TIMM23: variants seen among roughly 807,000 people sequenced by gnomAD.
TIMM23 encodes the protein mitochondrial import inner membrane translocase subunit Tim23.
Under a neutral mutation model 30.7 loss-of-function variants are expected in TIMM23, and 19 were observed. That is an observed-to-expected ratio of 0.62 (90% CI 0.43 to 0.91). The LOEUF (loss-of-function observed/expected upper bound fraction) is 0.91, where lower values mean the gene tolerates loss of function less well. Ranked by LOEUF, TIMM23 falls within the 40% of genes least tolerant of loss-of-function variation. TIMM23 has a pLI of 0.00. For synonymous variants in TIMM23, 78 were observed against 98.5 expected (o/e 0.79, Z 1.23); for missense variants, 202 against 269.2 (o/e 0.75, Z 1.75).
At chr10:45,977,442 G>A (rs1229751861) in intron 2 of TIMM23, among the ~76,000 whole-genome samples, 1 of 152,172 alleles carries the variant, frequency 6.6e-6, no homozygotes, top group Non-Finnish European at 1.5e-5. Flanking sequence ...TTTTCAGCAA[G>A]GATGCCAAGA....
chr10:45,991,914 C>A (rs1296845392), intron 6 of TIMM23, among the ~76,000 whole-genome samples: 1 of 151,712 alleles, frequency 6.6e-6, no homozygotes, highest in Admixed American at 6.6e-5. Context: ...CCACTGCCCC[C>A]ATCTGTCCCT....
chr10:45,988,471 G>C, intron 5 of TIMM23, among the ~76,000 whole-genome samples: 1 of 152,186 alleles, frequency 6.6e-6, no homozygotes, highest in Non-Finnish European at 1.5e-5. Flanking sequence ...GAAGGTCAGA[G>C]AGAGAGATTC....
intron 6 of TIMM23, among the ~76,000 whole-genome samples, chr10:45,991,610 G>T: frequency 6.6e-6 from 1 of 152,212 alleles, no homozygotes; most frequent in East Asian, 1.9e-4. Context: ...AATTAGCCAG[G>T]TGTGGTGGCG....
intron 6 of TIMM23, among the ~76,000 whole-genome samples, chr10:45,989,918 A>G (rs1296893356): frequency 5.9e-5 from 9 of 152,130 alleles, no homozygotes; most frequent in Non-Finnish European, 1.0e-4. Context: ...TTTTATTTTT[A>G]TCAAAATAAT....
chr10:45,997,233 A>T (rs1291553994), intron 6 of TIMM23, among the ~76,000 whole-genome samples: 8 of 152,136 alleles, frequency 5.3e-5, no homozygotes, highest in African/African-American at 1.9e-4. Flanking sequence ...AATGTGGTAT[A>T]TACATAGAAT....
chr10:45,972,827 T>C lies in TIMM23; in HGVS notation c.106+97T>C, dbSNP rs1465779130. On this transcript the variant is annotated intron_variant, in intron 1 of 6. Transcript: ENST00000580018. ...TTTTATGTTGTTGTTTTTTTTTTCC[T>C]TGCTGGCATTTACAAGCTTAAGTAC... 4.0e-6 allele frequency: 6 copies of C among 1,511,572 alleles called. No individual in the cohort carries two copies. In the African/African-American group the frequency reaches 6.9e-5, roughly 17 times the overall value. The allele number at this position is 1,511,572 out of a possible 1,614,324, so 93.6% of individuals were successfully genotyped here. A position where few individuals can be genotyped will look rare whatever the true frequency, so the allele number is the denominator to read the frequency against.
intron 5 of TIMM23, 31 bp downstream of exon 5, chr10:45,985,472 G>A: frequency 1.9e-6 from 3 of 1,611,862 alleles, no homozygotes; most frequent in Non-Finnish European, 1.7e-6. Flanking sequence ...ATAATAAATT[G>A]TTAAAGAAAG....
rs782712100 is a variant in TIMM23 at position 45,975,498 on chromosome 10, C to T, written c.151C>T (p.Arg51Ter). The T allele has an allele frequency of 3.7e-6, 6 of 1,613,838 alleles. No homozygotes were observed. Among genetic ancestry groups the T allele is most frequent in the Non-Finnish European group, 3.4e-6 (4 of 1,179,842 alleles). The change falls in exon 2 of 7, where the codon CGA becomes TGA. Residue 51 changes from arginine to a stop codon, truncating the protein, a stop_gained. Transcript: ENST00000580018. LOFTEE classifies it high-confidence loss of function. ...GTCTCCTTATTTAAATGTGGATCCA[C>T]GATACCTCGTGCAGGTAAGATTAAG... ...PLSPYLNVDPRYLVQDTDEFI... is the reference protein window; with the variant it reads ...PLSPYLNVDP
chr10:45,993,820 G>T (rs1273692916), intron 6 of TIMM23, among the ~76,000 whole-genome samples: 1 of 151,490 alleles, frequency 6.6e-6, no homozygotes, highest in South Asian at 2.1e-4. Flanking sequence ...TCTCCATCTC[G>T]AAATGAAATG....
At chr10:45,976,706 CTGAA>C (rs1837683719) in intron 2 of TIMM23, among the ~76,000 whole-genome samples, 1 of 152,036 alleles carries the variant, frequency 6.6e-6, no homozygotes, top group Non-Finnish European at 1.5e-5. Flanking sequence ...TGGTGAAAGA[CTGAA>C]TGCCTTCTCC....
chr10:45,973,208 C>T (rs1187090908), intron 1 of TIMM23, among the ~76,000 whole-genome samples: 1 of 152,006 alleles, frequency 6.6e-6, no homozygotes, highest in Non-Finnish European at 1.5e-5. Flanking sequence ...GGCTAGGAAA[C>T]CTTCTTTAGG....
At chr10:45,983,931 AC>A (rs1208167861) in intron 4 of TIMM23, among the ~76,000 whole-genome samples, 3 of 152,016 alleles carry the variant, frequency 2.0e-5, no homozygotes, top group Non-Finnish European at 4.4e-5. Flanking sequence ...TTTTGTAGAG[AC>A]GGGGTCTCAC....
At chr10:45,990,921 C>T (rs1473153955) in intron 6 of TIMM23, among the ~76,000 whole-genome samples, 9 of 152,268 alleles carry the variant, frequency 5.9e-5, no homozygotes, top group Admixed American at 5.9e-4. Context: ...TTACCATTCT[C>T]TGAAGGTAGT....
At chr10:46,002,606 T>C (rs374248078) in intron 6 of TIMM23, 31 of 564,122 alleles carry the variant, frequency 5.5e-5, no homozygotes, top group East Asian at 1.4e-4. Flanking sequence ...TTCTAAATCA[T>C]ATTACTAGCA....
chr10:45,986,553 C>T (rs1837995356), intron 5 of TIMM23, among the ~76,000 whole-genome samples: 1 of 151,994 alleles, frequency 6.6e-6, no homozygotes, highest in Non-Finnish European at 1.5e-5. Flanking sequence ...GATGAGCTTT[C>T]ATAGAAGTAT....
At chr10:45,980,143 T>G (rs1837800147) in intron 2 of TIMM23, among the ~76,000 whole-genome samples, 1 of 151,324 alleles carries the variant, frequency 6.6e-6, no homozygotes, top group Admixed American at 6.6e-5. Flanking sequence ...GACCTTAAAT[T>G]TAAAGATAAT....
intron 6 of TIMM23, among the ~76,000 whole-genome samples, chr10:45,991,993 G>T (rs1461671732): frequency 6.6e-6 from 1 of 151,422 alleles, no homozygotes; most frequent in Non-Finnish European, 1.5e-5. Context: ...TTGAGTTGGG[G>T]TCTTGCTCTG....
chr10:45,975,650 C>G lies in TIMM23; in HGVS notation c.165+138C>G, dbSNP rs1392456585. The G allele has an allele frequency of 1.8e-5, 20 of 1,123,520 alleles. No individual in the cohort carries two copies. In the African/African-American group the frequency reaches 2.4e-4, roughly 13 times the overall value. 69.6% of individuals were successfully genotyped at this position (1,123,520 alleles called of 1,614,324 possible). ...GTCTCCATTCACCCTTTTTTCCTCA[C>G]AAACACCAGGAGCTTGGCCTGCATC... On this transcript the variant is annotated intron_variant, in intron 2 of 6. Coordinates refer to ENST00000580018, the MANE Select transcript of TIMM23 (RefSeq NM_006327.4).
At chr10:45,991,459 A>G (rs1449048818) in intron 6 of TIMM23, among the ~76,000 whole-genome samples, 1 of 152,168 alleles carries the variant, frequency 6.6e-6, no homozygotes, top group Non-Finnish European at 1.5e-5. Context: ...GAAATGAAAG[A>G]TGATTGGGTC....
Sources: allele counts gnomAD v4.1 joint callset (sites outside exome capture counted in the v4.1 genomes callset), GRCh38; gene constraint gnomAD v4.1.1; transcripts MANE v1.5; gene names NCBI Gene and HGNC (gene_info 2026-07-23, HGNC 2026-07-21).